PRKN: variants seen among roughly 807,000 people sequenced by gnomAD.
The protein encoded by PRKN is E3 ubiquitin-protein ligase parkin.
A neutral mutation model predicts 59.5 loss-of-function variants in PRKN; 56 were observed. The observed-to-expected ratio is 0.94, with a 90% confidence interval of 0.76 to 1.18. The LOEUF is 1.18. PRKN is among the 50% of genes most tolerant of loss of function. The pLI is 0.00. For synonymous variants in PRKN, 250 were observed against 222.1 expected (o/e 1.13, Z -1.12); for missense variants, 657 against 596.4 (o/e 1.10, Z -1.06).
chr6:162,192,442 ATTTTTTTTTTTT>A (rs10534285), intron 4 of PRKN, among the ~76,000 whole-genome samples: 12 of 74,730 alleles, frequency 1.6e-4, no homozygotes, highest in African/African-American at 7.0e-4. Context: ...AATTATAGGG[ATTTTTTTTTTTT>A]TTTTTTTTTT....
chr6:162,304,497 AT>A (rs1782124688), intron 2 of PRKN, among the ~76,000 whole-genome samples: 1 of 74,474 alleles, frequency 1.3e-5, no homozygotes, highest in African/African-American at 6.8e-5. Context: ...AGTTCTATCT[AT>A]CTATCTATCT....
In PRKN at chr6:161,832,769, T is replaced by A. The variant is rs114456465; in HGVS notation, c.735-46861A>T. Among the ~76,000 whole-genome samples the A allele has an allele frequency of 7.9e-3, 1,196 of 151,720 alleles. 21 individuals are homozygous for A. Among genetic ancestry groups the A allele is most frequent in the African/African-American group, 0.027 (1,126 of 41,394 alleles). ...CATCCTGGAGCAGGGCATCTCACCC[T>A]CCCCATTCTCTACGGTCTGTCTGGA... On this transcript the variant is annotated intron_variant, in intron 6 of 11. Coordinates refer to ENST00000366898, the MANE Select transcript of PRKN (RefSeq NM_004562.3).
rs1050070047 is a variant in PRKN at position 161,401,255 on chromosome 6, T to A, written c.1084-14378A>T. Reference sequence around the variant, plus strand: ...GATAGTTCAGTCACGTCCTGGGGAATTGAGGAGAAGATCCACCCTACCAAA... The same window carrying A: ...GATAGTTCAGTCACGTCCTGGGGAAATGAGGAGAAGATCCACCCTACCAAA... On this transcript the variant is annotated intron_variant, in intron 9 of 11. Coordinates refer to ENST00000366898, the MANE Select transcript of PRKN (RefSeq NM_004562.3). This position sits in a 1 kb window ranked among gnomAD's most constrained non-coding sequence, Gnocchi z 4.4. Among the ~76,000 whole-genome samples the A allele has an allele frequency of 6.6e-6, 1 of 152,046 alleles. No individual in the cohort carries two copies. Among genetic ancestry groups the A allele is most frequent in the African/African-American group, 2.4e-5 (1 of 41,394 alleles).
chr6:161,365,447 T>A (rs903903039), intron 10 of PRKN, among the ~76,000 whole-genome samples: 9 of 152,192 alleles, frequency 5.9e-5, no homozygotes, highest in Non-Finnish European at 1.2e-4. Context: ...ATGTTTATTC[T>A]AACAAAGGAT....
Position 161,943,785 on chromosome 6 carries a change from CCCT to C in PRKN, c.734+29514_734+29516del, listed in dbSNP as rs150060757. On this transcript the variant is annotated intron_variant, in intron 6 of 11. Transcript: ENST00000366898. ...CCTGAGGGATCAGCCTAAGGAAACA[CCCT>C]GAGGGATCAGCCTTGAGGAAGCAGC... is the stretch of plus-strand genomic sequence containing the variant. Among the ~76,000 whole-genome samples the C allele has an allele frequency of 8.8e-3, 1,232 of 140,256 alleles. 19 individuals are homozygous for C. Among genetic ancestry groups the C allele is most frequent in the African/African-American group, 0.032 (1,182 of 37,042 alleles). 92.0% of individuals were successfully genotyped at this position (140,256 alleles called of 152,430 possible).
At chr6:161,662,862 G>C (rs1365630430) in intron 7 of PRKN, among the ~76,000 whole-genome samples, 1 of 152,156 alleles carries the variant, frequency 6.6e-6, no homozygotes, top group Non-Finnish European at 1.5e-5. Flanking sequence ...TTCATACCTA[G>C]TGGGATAAAT....
intron 9 of PRKN, among the ~76,000 whole-genome samples, chr6:161,434,385 A>G (rs1258710418): frequency 1.3e-5 from 2 of 152,096 alleles, no homozygotes; most frequent in African/African-American, 4.8e-5. Flanking sequence ...AGGGTGAGGG[A>G]GGGTGGCATC....
intron 2 of PRKN, among the ~76,000 whole-genome samples, chr6:162,392,328 G>A (rs1473790269): frequency 6.6e-6 from 1 of 152,128 alleles, no homozygotes; most frequent in African/African-American, 2.4e-5. Flanking sequence ...GAGGCCAGAA[G>A]TTTTTGGTTC....
At chr6:162,057,773 G>T (rs1300117940) in intron 4 of PRKN, among the ~76,000 whole-genome samples, 1 of 152,186 alleles carries the variant, frequency 6.6e-6, no homozygotes, top group African/African-American at 2.4e-5. Context: ...AAATATGACA[G>T]GAGCAAAGTT....
At position 162,099,920 on chromosome 6, in the gene PRKN, G is replaced by A. The variant is rs184946340; in HGVS notation, c.535-45746C>T. On this transcript the variant is annotated intron_variant, in intron 4 of 11. Transcript: ENST00000366898. Reference sequence around the variant, plus strand: ...TGCTTCCTGTGACCAACACCTCCCCGCCCACACACAGCCCCAACTTCCAGC... The same window carrying A: ...TGCTTCCTGTGACCAACACCTCCCCACCCACACACAGCCCCAACTTCCAGC... 3.8e-3 allele frequency among the ~76,000 whole-genome samples: 577 copies of A among 152,098 alleles called. 1 individual carries two copies. The highest frequency in any genetic ancestry group is 5.4e-3 in the Non-Finnish European group (367 of 67,996).
At position 161,846,050 on chromosome 6, in the gene PRKN, C is replaced by A. The variant is rs1028438226; in HGVS notation, c.735-60142G>T. On this transcript the variant is annotated intron_variant, in intron 6 of 11. Coordinates refer to ENST00000366898, the MANE Select transcript of PRKN (RefSeq NM_004562.3). Reference sequence around the variant, plus strand: ...TGCATCTTGCTGAATTTGGTCCCAACTTCCCTCATCTAACAAAAGATAAAA... The same window carrying A: ...TGCATCTTGCTGAATTTGGTCCCAAATTCCCTCATCTAACAAAAGATAAAA... 2.0e-5 allele frequency among the ~76,000 whole-genome samples: 3 copies of A among 152,178 alleles called. No individual in the cohort carries two copies. The East Asian group carries it at 5.8e-4, about 29-fold the overall frequency.
At position 161,423,539 on chromosome 6, in the gene PRKN, C is replaced by T. The variant is rs142616482; in HGVS notation, c.1084-36662G>A. ...GGATGACAAAGGACATCTTAAAATT[C>T]CTTGATTTGGGGCCAATGACAAGCA... On this transcript the variant is annotated intron_variant, in intron 9 of 11. Transcript: ENST00000366898. The surrounding 1 kb of genome is among the most constrained non-coding windows in gnomAD (Gnocchi z 5.9). Among the ~76,000 whole-genome samples, 238 of 152,248 alleles carry T rather than the reference C, an allele frequency of 1.6e-3. 1 individual carries two copies. The highest frequency in any genetic ancestry group is 5.5e-3 in the African/African-American group (230 of 41,540).
At chr6:162,571,780 C>T (rs1407717529) in intron 1 of PRKN, among the ~76,000 whole-genome samples, 1 of 151,956 alleles carries the variant, frequency 6.6e-6, no homozygotes, top group African/African-American at 2.4e-5. Flanking sequence ...GGAAAGAGCC[C>T]AGAGGTGGCA....
intron 7 of PRKN, among the ~76,000 whole-genome samples, chr6:161,703,833 CTCTCTCTTTTTTT>C (rs1786356677): frequency 1.6e-5 from 2 of 127,582 alleles, no homozygotes; most frequent in African/African-American, 6.6e-5. Context: ...CTCTCTCTCT[CTCTCTCTTTTTTT>C]TTTTTTTTTT....
rs1452002483 is a variant in PRKN, at chr6:161,369,788, G to A, written c.1168-9583C>T. On this transcript the variant is annotated intron_variant, in intron 10 of 11. Coordinates refer to ENST00000366898, the MANE Select transcript of PRKN (RefSeq NM_004562.3). The surrounding 1 kb of genome is among the most constrained non-coding windows in gnomAD (Gnocchi z 5.8). ...ATCTATAATATACTTATATATAGAT[G>A]TTTCATATATATATTTCATATGATT... 8.7e-5 allele frequency among the ~76,000 whole-genome samples: 13 copies of A among 150,210 alleles called. No individual in the cohort carries two copies. The highest frequency in any genetic ancestry group is 2.9e-4 in the African/African-American group (12 of 40,832).
chr6:162,339,408 C>G (rs369597969), intron 2 of PRKN, among the ~76,000 whole-genome samples: 1 of 145,032 alleles, frequency 6.9e-6, no homozygotes, highest in Non-Finnish European at 1.5e-5. Context: ...GCCCCCCGCC[C>G]GGCCAGCCGC....
At chr6:162,715,298 C>A (rs1778681276) in intron 1 of PRKN, among the ~76,000 whole-genome samples, 1 of 152,152 alleles carries the variant, frequency 6.6e-6, no homozygotes, top group Non-Finnish European at 1.5e-5. Context: ...ATCACACTTT[C>A]ATTTAGGCAA....
chr6:161,895,033 G>A (rs1257729499), intron 6 of PRKN, among the ~76,000 whole-genome samples: 1 of 152,146 alleles, frequency 6.6e-6, no homozygotes, highest in African/African-American at 2.4e-5. Context: ...CCGCTTATTT[G>A]TTGCTATTTT....
intron 6 of PRKN, among the ~76,000 whole-genome samples, chr6:161,857,312 C>A (rs376551317): frequency 6.6e-6 from 1 of 152,276 alleles, no homozygotes; most frequent in African/African-American, 2.4e-5. Flanking sequence ...TCTACCACTG[C>A]GGTGTGAAAG....
Sources: gnomAD v4.1 joint callset for allele counts (sites outside exome capture counted in the v4.1 genomes callset) on GRCh38, gnomAD v4.1.1 for gene constraint, Gnocchi (gnomAD v3.1) non-coding constraint, MANE v1.5 for transcripts, NCBI Gene and HGNC (gene_info 2026-07-23, HGNC 2026-07-21) for gene names.